Variants in INAVA observed in about 807,000 individuals in gnomAD.
The protein encoded by INAVA is innate immunity activator protein.
INAVA carries 32 observed loss-of-function variants against 55.3 expected under a neutral mutation model. That is an observed-to-expected ratio of 0.58 (90% CI 0.44 to 0.78). INAVA has a LOEUF of 0.78. Ranked by LOEUF, INAVA falls within the 30% of genes least tolerant of loss-of-function variation. The pLI is 0.00. For missense variants in INAVA, 756 were observed against 786.4 expected (o/e 0.96, Z 0.46); for synonymous variants, 294 against 329.4 (o/e 0.89, Z 1.16).
At chr1:200,895,238 G>A (rs1381161775) in intron 1 of INAVA, among the ~76,000 whole-genome samples, 151 bp downstream of exon 1, 8 of 152,122 alleles carry the variant, frequency 5.3e-5, no homozygotes, top group Non-Finnish European at 1.0e-4. Flanking sequence ...GGTGCTGGTG[G>A]GCTTGGACGG....
chr1:200,900,510 C>T (rs921146909), intron 4 of INAVA, among the ~76,000 whole-genome samples: 1 of 152,208 alleles, frequency 6.6e-6, no homozygotes, highest in South Asian at 2.1e-4. Context: ...CGGGCAATAG[C>T]CTGCTCAGAC....
At position 200,901,130 on chromosome 1, in the gene INAVA, C is replaced by T; in HGVS notation, c.491C>T (p.Pro164Leu). 6.6e-7 allele frequency: 1 copy of T among 1,525,662 alleles called. No individual in the cohort carries two copies. 94.5% of individuals were successfully genotyped at this position (1,525,662 alleles called of 1,614,324 possible). Reference protein sequence around the residue: ...LVERRRNSEPPPAAALPLGRE... With the variant: ...LVERRRNSEPLPAAALPLGRE... The stretch of plus-strand genomic sequence containing the variant: ...GAGCGGCGGCGCAATAGCGAGCCAC[C>T]TCCGGCTGCTGCTCTCCCCCTGGGC... Residue 164 changes from proline to leucine, a missense_variant, in exon 5 of 10, where the codon CCT (proline) becomes CTT (leucine). Physicochemically the swap from Pro to Leu is moderately conservative, Grantham distance 98. Coordinates refer to ENST00000413687, the MANE Select transcript of INAVA (RefSeq NM_001142569.3).
intron 1 of INAVA, among the ~76,000 whole-genome samples, chr1:200,897,088 G>A (rs1019034447): frequency 1.1e-4 from 17 of 152,258 alleles, no homozygotes; most frequent in Middle Eastern, 3.2e-3. Context: ...TGAGGAGGGA[G>A]AGGGGGTGGG....
chr1:200,892,463 C>T (rs1400168838), upstream of INAVA, among the ~76,000 whole-genome samples: 1 of 152,130 alleles, frequency 6.6e-6, no homozygotes, highest in Non-Finnish European at 1.5e-5. Flanking sequence ...GAAGAGTTTT[C>T]TGACTCGGGA....
At chr1:200,893,286 TG>T (rs944104684), upstream of INAVA, among the ~76,000 whole-genome samples, 9 of 152,274 alleles carry the variant, frequency 5.9e-5, no homozygotes, top group Non-Finnish European at 1.2e-4. Context: ...TATATTGCTA[TG>T]TTTTTATATT....
chr1:200,899,955 A>C, intron 3 of INAVA, 149 bp from the exon 4 acceptor site: 1 of 676,558 alleles, frequency 1.5e-6, no homozygotes, highest in East Asian at 2.7e-5. Context: ...GTCTGAAGAC[A>C]GGAGAGACAG....
At chr1:200,903,952 A>G (rs1653380564) in intron 5 of INAVA, among the ~76,000 whole-genome samples, 1 of 152,170 alleles carries the variant, frequency 6.6e-6, no homozygotes, top group Non-Finnish European at 1.5e-5. Context: ...TTGCAGTGGC[A>G]GGGAGCAGTC....
At chr1:200,902,193 G>T (rs189607341) in intron 5 of INAVA, among the ~76,000 whole-genome samples, 1 of 152,166 alleles carries the variant, frequency 6.6e-6, no homozygotes, top group East Asian at 1.9e-4. Context: ...CCTGCATATC[G>T]TGTTGGCTTT....
chr1:200,915,392 T>TA lies in INAVA; in HGVS notation c.*1764dup, dbSNP rs1653898634. On this transcript the variant is annotated 3_prime_UTR_variant, in exon 10 of 10. Transcript: ENST00000413687. ...CCTGGCATTTCTCTCACTGTGCTCT[T>TA]ACCGCATCAGCAACCCCCAACTTTT... 1 of 124,338 alleles carries TA rather than the reference T, an allele frequency of 8.0e-6. No homozygotes were observed. Among genetic ancestry groups the TA allele is most frequent in the South Asian group, 3.1e-4 (1 of 3,180 alleles). The allele number at this position is 124,338 out of a possible 1,614,324, so 7.7% of individuals were successfully genotyped here. A position where few individuals can be genotyped will look rare whatever the true frequency, so the allele number is the denominator to read the frequency against.
intron 1 of INAVA, among the ~76,000 whole-genome samples, chr1:200,897,848 C>A (rs1653011961): frequency 6.6e-6 from 1 of 152,190 alleles, no homozygotes; most frequent in Non-Finnish European, 1.5e-5. Context: ...TCTTGAACTC[C>A]TGGGCTCAAG....
chr1:200,905,658 C>T (rs1653457247), intron 5 of INAVA, among the ~76,000 whole-genome samples: 2 of 152,350 alleles, frequency 1.3e-5, no homozygotes, highest in Middle Eastern at 3.4e-3. Flanking sequence ...TTTATCACAA[C>T]TGTTCAACTC....
Position 200,911,467 on chromosome 1 carries a change from G to T in INAVA, c.974G>T (p.Arg325Leu), listed in dbSNP as rs527548422. 15 of 1,611,860 alleles carry T rather than the reference G, an allele frequency of 9.3e-6. No individual in the cohort carries two copies. The highest frequency in any genetic ancestry group is 3.3e-5 in the Admixed American group (2 of 59,896). ...QSQSLRVDSF[R>L]AGPEGRGRSA... ...TCCCTCTTCAGGGTGGATTCCTTCC[G>T]GGCGGGTCCTGAGGGCCGAGGTCGC... The change falls in exon 9 of 10, where the codon CGG (arginine) becomes CTG (leucine). Residue 325 changes from arginine to leucine, a missense_variant. Transcript: ENST00000413687.
intron 6 of INAVA, 143 bp from the exon 7 acceptor site, chr1:200,908,587 T>TA: frequency 1.4e-6 from 1 of 692,748 alleles, no homozygotes. Context: ...TTTGAGCATC[T>TA]AGGGCTGGAG....
At chr1:200,911,084 A>AAAAAAAGTACTTAATGTAGTACTTT (rs1427655716) in intron 8 of INAVA, among the ~76,000 whole-genome samples, 1 of 55,336 alleles carries the variant, frequency 1.8e-5, no homozygotes, top group Non-Finnish European at 5.4e-5. Context: ...GTAGTACTTT[A>AAAAAAAGTACTTAATGTAGTACTTT]AAAAAAGTAC....
intron 1 of INAVA, among the ~76,000 whole-genome samples, chr1:200,897,977 C>T (rs1219663179): frequency 6.6e-6 from 1 of 152,188 alleles, no homozygotes; most frequent in Non-Finnish European, 1.5e-5. Context: ...CCTTTTTATC[C>T]TGTCTCTGCT....
rs763924423 is a variant in INAVA at position 200,900,126 on chromosome 1, C to T, written c.203C>T (p.Ala68Val). Residue 68 changes from alanine (A) to valine (V), a missense_variant, in exon 4 of 10, where the codon GCG becomes GTG. Transcript: ENST00000413687. ...CAGGAGCTGACGGGCACCTTGCCAG[C>T]GGAGTATCCCCTCAAACCAGGGGAA... ...REAELTGTLP[A>V]EYPLKPGEKA... is the part of the protein sequence containing the mutation. 27 of 1,613,398 alleles carry T rather than the reference C, an allele frequency of 1.7e-5. No individual in the cohort carries two copies. The highest frequency in any genetic ancestry group is 1.7e-4 in the Admixed American group (10 of 59,946).
intron 1 of INAVA, among the ~76,000 whole-genome samples, chr1:200,896,243 TC>T (rs1431361481): frequency 6.6e-6 from 1 of 151,388 alleles, no homozygotes; most frequent in Non-Finnish European, 1.5e-5. Context: ...CCACATTACT[TC>T]CTCCTCTGTG....
At chr1:200,901,825 G>T (rs536109353) in intron 5 of INAVA, among the ~76,000 whole-genome samples, 3 of 152,190 alleles carry the variant, frequency 2.0e-5, no homozygotes, top group Admixed American at 1.3e-4. Flanking sequence ...CCTTGGCCCA[G>T]AGACTAGTGG....
upstream of INAVA, chr1:200,891,720 G>T: frequency 6.9e-7 from 1 of 1,444,106 alleles, no homozygotes. Context: ...GAAAACTTCG[G>T]GGCACCCAGT....
Sources: allele counts gnomAD v4.1 joint callset (sites outside exome capture counted in the v4.1 genomes callset), GRCh38; gene constraint gnomAD v4.1.1; transcripts MANE v1.5; gene names NCBI Gene and HGNC (gene_info 2026-07-23, HGNC 2026-07-21).